Variants in KCNAB1 observed in about 807,000 individuals in gnomAD.
KCNAB1 encodes the protein potassium voltage-gated channel subfamily A regulatory beta subunit 1.
Under a neutral mutation model 64.6 loss-of-function variants are expected in KCNAB1, and 35 were observed. The observed-to-expected ratio is 0.54, with a 90% CI of 0.41 to 0.72. The LOEUF (loss-of-function observed/expected upper bound fraction) is 0.72, where lower values mean the gene tolerates loss of function less well. KCNAB1 is among the 30% of genes least tolerant of loss of function. KCNAB1 has a pLI of 0.00. For missense variants in KCNAB1, 401 were observed against 512.9 expected, an observed-to-expected ratio of 0.78 and a Z score of 2.11; for synonymous variants, 177 against 183.8, an observed-to-expected ratio of 0.96 and a Z score of 0.30.
At chr3:156,142,528 A>T (rs1296933263) in intron 1 of KCNAB1, among the ~76,000 whole-genome samples, 2 of 152,224 alleles carry the variant, frequency 1.3e-5, no homozygotes, top group Non-Finnish European at 2.9e-5. Flanking sequence ...CATTTGATGG[A>T]AAAGCTATTC....
chr3:156,158,605 A>C (rs1162008114), intron 1 of KCNAB1, among the ~76,000 whole-genome samples: 1 of 152,228 alleles, frequency 6.6e-6, no homozygotes, highest in Non-Finnish European at 1.5e-5. Context: ...GGCTCATCCA[A>C]CTGAAAAGTC....
At chr3:156,274,761 T>C (rs542716090) in intron 1 of KCNAB1, among the ~76,000 whole-genome samples, 8 of 152,224 alleles carry the variant, frequency 5.3e-5, no homozygotes, top group Non-Finnish European at 1.2e-4. Flanking sequence ...ATTTAAGGTG[T>C]ATAACTTGAT....
At chr3:156,163,166 A>T (rs1716180830) in intron 1 of KCNAB1, among the ~76,000 whole-genome samples, 1 of 152,204 alleles carries the variant, frequency 6.6e-6, no homozygotes, top group Non-Finnish European at 1.5e-5. Flanking sequence ...CGTCAGTGGC[A>T]TTACCCATAT....
chr3:156,401,329 G>A (rs1266510614), intron 1 of KCNAB1, among the ~76,000 whole-genome samples: 1 of 152,194 alleles, frequency 6.6e-6, no homozygotes, highest in Non-Finnish European at 1.5e-5. Context: ...CTGCAAGCTG[G>A]GTTTCACCAG....
intron 1 of KCNAB1, among the ~76,000 whole-genome samples, chr3:156,242,017 T>C (rs776568241): frequency 1.4e-4 from 22 of 152,312 alleles, no homozygotes; most frequent in Non-Finnish European, 2.8e-4. Flanking sequence ...ATCAACACCC[T>C]CCTATTTGGC....
chr3:156,311,082 G>A (rs1721869093), intron 1 of KCNAB1, among the ~76,000 whole-genome samples: 1 of 152,188 alleles, frequency 6.6e-6, no homozygotes, highest in Non-Finnish European at 1.5e-5. Flanking sequence ...TTCTTCTCCT[G>A]CTCTTAATGT....
At chr3:156,477,887 G>A (rs1714488448) in intron 8 of KCNAB1, among the ~76,000 whole-genome samples, 1 of 152,130 alleles carries the variant, frequency 6.6e-6, no homozygotes, top group Admixed American at 6.5e-5. Context: ...TGGATTCCAT[G>A]TTGTTGAGAG....
intron 9 of KCNAB1, among the ~76,000 whole-genome samples, 181 bp from the exon 10 acceptor site, chr3:156,514,919 C>T (rs1717454701): frequency 6.6e-6 from 1 of 152,214 alleles, no homozygotes. Flanking sequence ...ATAAGGGTTT[C>T]CTACCTTTCA....
chr3:156,310,148 C>T (rs1191982191), intron 1 of KCNAB1, among the ~76,000 whole-genome samples: 1 of 152,128 alleles, frequency 6.6e-6, no homozygotes. Context: ...TCTTTCTCCC[C>T]TCACTAATCC....
At chr3:156,451,867 CT>C (rs1323772807) in intron 2 of KCNAB1, among the ~76,000 whole-genome samples, 2 of 152,098 alleles carry the variant, frequency 1.3e-5, no homozygotes, top group African/African-American at 4.8e-5. Context: ...CCCTGTGAGA[CT>C]CGACCTAGCT....
chr3:156,185,521 T>A (rs1217214597), intron 1 of KCNAB1, among the ~76,000 whole-genome samples: 1 of 152,208 alleles, frequency 6.6e-6, no homozygotes, highest in Non-Finnish European at 1.5e-5. Context: ...GTATGGAAGA[T>A]TTCATAAGGA....
chr3:156,531,019 C>G (rs1718666707), intron 12 of KCNAB1, among the ~76,000 whole-genome samples: 2 of 152,154 alleles, frequency 1.3e-5, no homozygotes, highest in South Asian at 4.1e-4. Flanking sequence ...AAGCCCCGAG[C>G]CAACCCAAAT....
At chr3:156,444,880 T>A (rs995178785) in intron 2 of KCNAB1, among the ~76,000 whole-genome samples, 8 of 152,228 alleles carry the variant, frequency 5.3e-5, no homozygotes, top group Non-Finnish European at 1.2e-4. Flanking sequence ...GTCTGCTGGA[T>A]TTAAATCCCA....
chr3:156,425,491 C>T (rs1278492923), intron 2 of KCNAB1, among the ~76,000 whole-genome samples: 2 of 152,100 alleles, frequency 1.3e-5, no homozygotes, highest in Non-Finnish European at 2.9e-5. Context: ...GTTGCTGTGG[C>T]TTGCCTGTTC....
At chr3:156,195,114 CTTAT>C (rs1713830340) in intron 1 of KCNAB1, among the ~76,000 whole-genome samples, 1 of 152,148 alleles carries the variant, frequency 6.6e-6, no homozygotes, top group South Asian at 2.1e-4. Flanking sequence ...AAGATATGAC[CTTAT>C]CCTTTTTTAT....
chr3:156,120,707 C>A lies in KCNAB1; in HGVS notation c.96C>A (p.Asp32Glu). Residue 32 changes from aspartate (D) to glutamate (E), a missense_variant, in exon 1 of 14, where the codon GAC becomes GAA. Coordinates refer to ENST00000490337, the MANE Select transcript of KCNAB1 (RefSeq NM_172160.3). ...RQSGFSVAGK[D>E]KSPKKASENA... ...CTGGGTTTTCTGTAGCAGGGAAAGA[C>A]AAATCTCCCAAGAAAGCCTCAGAAA... The A allele has an allele frequency of 6.2e-7, 1 of 1,614,230 alleles. No homozygotes were observed. Among genetic ancestry groups the A allele is most frequent in the Middle Eastern group, 1.6e-4 (1 of 6,062 alleles).
intron 8 of KCNAB1, among the ~76,000 whole-genome samples, chr3:156,495,882 C>T (rs1193128604): frequency 6.6e-6 from 1 of 152,100 alleles, no homozygotes; most frequent in East Asian, 1.9e-4. Context: ...CAAAATGTCT[C>T]ATGAAGATAA....
At chr3:156,212,434 A>G (rs1413660700) in intron 1 of KCNAB1, among the ~76,000 whole-genome samples, 3 of 152,172 alleles carry the variant, frequency 2.0e-5, no homozygotes, top group African/African-American at 4.8e-5. Context: ...CACAATCAAG[A>G]GCTAATTATG....
At chr3:156,331,208 C>T (rs1168813292) in intron 1 of KCNAB1, among the ~76,000 whole-genome samples, 2 of 152,180 alleles carry the variant, frequency 1.3e-5, no homozygotes, top group African/African-American at 4.8e-5. Context: ...ATACTAAGAT[C>T]CTTTTCTGAA....
Sources: allele counts gnomAD v4.1 joint callset (sites outside exome capture counted in the v4.1 genomes callset), GRCh38; gene constraint gnomAD v4.1.1; transcripts MANE v1.5; gene names NCBI Gene and HGNC (gene_info 2026-07-23, HGNC 2026-07-21).